ZSCAN2: variants seen among roughly 807,000 people sequenced by gnomAD.
ZSCAN2 encodes zinc finger and SCAN domain-containing protein 2.
In ZSCAN2, 26 loss-of-function variants were observed where a neutral mutation model predicts 47.8. The ratio of observed to expected loss-of-function variants is 0.54; its 90% CI spans 0.40 to 0.75. The LOEUF is 0.75. Ranked by LOEUF, ZSCAN2 falls within the 30% of genes least tolerant of loss-of-function variation. ZSCAN2 has a pLI of 0.00. For missense variants in ZSCAN2, 732 were observed against 785.4 expected (o/e 0.93, Z 0.81); for synonymous variants, 305 against 288.7 (o/e 1.06, Z -0.57).
chr15:84,612,410 A>G lies in ZSCAN2; in HGVS notation c.406+8077A>G, dbSNP rs540590270. Among the ~76,000 whole-genome samples, 158 of 152,262 alleles carry G rather than the reference A, an allele frequency of 1.0e-3. 4 individuals are homozygous for G. The South Asian group carries it at 0.032, about 31-fold the overall frequency. On this transcript the variant is annotated intron_variant, in intron 2 of 2. Coordinates refer to ENST00000546148, the MANE Select transcript of ZSCAN2 (RefSeq NM_181877.4). The stretch of plus-strand genomic sequence containing the variant: ...CAGAGGGACCTCCTTAGTGAGGTTT[A>G]TGATATTTATGTTATACAGCAATGT...
intron 1 of ZSCAN2, chr15:84,602,202 C>G (rs8030209): frequency 2.0e-3 from 301 of 152,192 alleles, no homozygotes; most frequent in African/African-American, 6.8e-3. Flanking sequence ...CCGCCCGCCT[C>G]AACCTGCCAA....
chr15:84,606,198 C>CT (rs1199623534), intron 2 of ZSCAN2, among the ~76,000 whole-genome samples: 2 of 152,222 alleles, frequency 1.3e-5, no homozygotes, highest in African/African-American at 4.8e-5. Flanking sequence ...ACTCCAGGGA[C>CT]TGGGTGAATG....
chr15:84,604,426 G>A (rs1895313155), intron 2 of ZSCAN2, 93 bp downstream of exon 2: 8 of 1,464,528 alleles, frequency 5.5e-6, no homozygotes, highest in Non-Finnish European at 4.6e-6. Flanking sequence ...GGTGTCCAAG[G>A]CAGAGTGGGG....
intron 2 of ZSCAN2, chr15:84,616,230 T>G (rs770943726): frequency 3.6e-6 from 3 of 843,900 alleles, no homozygotes; most frequent in Admixed American, 1.8e-5. Flanking sequence ...GAGTGAGACT[T>G]CATCTCAAAA....
chr15:84,610,273 G>C (rs1895504920), intron 2 of ZSCAN2, among the ~76,000 whole-genome samples: 1 of 152,180 alleles, frequency 6.6e-6, no homozygotes, highest in Non-Finnish European at 1.5e-5. Context: ...CACAAAAATA[G>C]GTCCCAGATG....
In ZSCAN2 at chr15:84,621,122, C is replaced by T. The variant is rs923406580; in HGVS notation, c.927C>T (p.Ala309=). The change falls in exon 3 of 3, where the codon GCC becomes GCT. Residue 309 remains alanine, a synonymous_variant. Transcript: ENST00000546148. This position sits in a 1 kb window ranked among gnomAD's most constrained non-coding sequence, Gnocchi z 5.7. ...IHTGEKPFQC[A]ECGKSFSRSP... ...CGGGGGAAAAGCCCTTCCAGTGTGC[C>T]GAGTGTGGCAAGAGCTTCAGCAGGA... 1.1e-5 allele frequency: 17 copies of T among 1,613,810 alleles called. No homozygotes were observed. The highest frequency in any genetic ancestry group is 4.0e-5 in the African/African-American group (3 of 74,830).
At position 84,621,576 on chromosome 15, in the gene ZSCAN2, C is replaced by G; in HGVS notation, c.1381C>G (p.Leu461Val). 1.2e-6 allele frequency: 2 copies of G among 1,614,138 alleles called. No homozygotes were observed. The highest frequency in any genetic ancestry group is 1.7e-6 in the Non-Finnish European group (2 of 1,180,032). Reference protein sequence around the residue: ...CGKSFSQSSSLIAHQGMHTGE... With the variant: ...CGKSFSQSSSVIAHQGMHTGE... Reference sequence around the variant, plus strand: ...GAAGAGCTTCAGCCAGAGCTCCAGTCTGATTGCACACCAGGGCATGCACAC... The same window carrying G: ...GAAGAGCTTCAGCCAGAGCTCCAGTGTGATTGCACACCAGGGCATGCACAC... The change falls in exon 3 of 3, where the codon CTG (leucine) becomes GTG (valine). Residue 461 changes from leucine (L) to valine (V), a missense_variant. By Grantham distance (32) the Leu-to-Val change is conservative. Around this residue, in one of 2 missense-constraint regions of ZSCAN2, gnomAD observed 412 missense variants for 498.0 expected, o/e 0.83. Coordinates refer to ENST00000546148, the MANE Select transcript of ZSCAN2 (RefSeq NM_181877.4). The surrounding 1 kb of genome is among the most constrained non-coding windows in gnomAD (Gnocchi z 5.7).
At chr15:84,619,172 C>A (rs947843020) in intron 2 of ZSCAN2, among the ~76,000 whole-genome samples, 1 of 152,196 alleles carries the variant, frequency 6.6e-6, no homozygotes, top group Non-Finnish European at 1.5e-5. Context: ...TGGCTCACGC[C>A]TGTAATCCCA....
intron 2 of ZSCAN2, among the ~76,000 whole-genome samples, chr15:84,612,432 A>G (rs1326566498): frequency 1.3e-5 from 2 of 152,178 alleles, no homozygotes; most frequent in Admixed American, 6.5e-5. Flanking sequence ...TTATACAGCA[A>G]TGTAGAAATG....
chr15:84,603,282 G>A (rs1195491041), intron 1 of ZSCAN2, among the ~76,000 whole-genome samples: 1 of 152,102 alleles, frequency 6.6e-6, no homozygotes, highest in Non-Finnish European at 1.5e-5. Flanking sequence ...TTTCAGTCAT[G>A]GGTTTTTCCC....
chr15:84,623,538 G>A lies in ZSCAN2; in HGVS notation c.*1498G>A, dbSNP rs1895859082. On this transcript the variant is annotated 3_prime_UTR_variant, in exon 3 of 3. Transcript: ENST00000546148. The stretch of plus-strand genomic sequence containing the variant: ...CTTTGTTCTCGGGATCCTCGCACCT[G>A]GAGAGTGAAGACGGGCATGACGGCA... The A allele has an allele frequency of 1.2e-5, 2 of 167,572 alleles. No individual in the cohort carries two copies. Among genetic ancestry groups the A allele is most frequent in the Non-Finnish European group, 2.9e-5 (2 of 68,442 alleles). The allele number at this position is 167,572 out of a possible 1,614,324, so 10.4% of individuals were successfully genotyped here.
intron 2 of ZSCAN2, among the ~76,000 whole-genome samples, chr15:84,605,096 G>T (rs1895341207): frequency 6.6e-6 from 1 of 152,160 alleles, no homozygotes; most frequent in South Asian, 2.1e-4. Flanking sequence ...AATAACTAGG[G>T]ACTTTCTGTG....
rs914227278 is a variant in ZSCAN2, at chr15:84,615,212, C to G, written c.407-5390C>G. Among the ~76,000 whole-genome samples the G allele has an allele frequency of 7.9e-5, 12 of 152,182 alleles. No homozygotes were observed. In the East Asian group the frequency reaches 1.7e-3, roughly 22 times the overall value. On this transcript the variant is annotated intron_variant, in intron 2 of 2. Transcript: ENST00000546148. ...CTTGTGATCCGCCTGCCTCAGCCCC[C>G]CAAAGTCCTGGGATTACAGGCGTGA...
At chr15:84,603,429 C>G (rs1057396869) in intron 1 of ZSCAN2, among the ~76,000 whole-genome samples, 4 of 146,732 alleles carry the variant, frequency 2.7e-5, no homozygotes, top group African/African-American at 1.0e-4. Context: ...AGTGCAGTGG[C>G]GAGATCTGTG....
intron 2 of ZSCAN2, 42 bp from the exon 3 acceptor site, chr15:84,620,558 CAG>C (rs764348554): frequency 3.4e-6 from 5 of 1,486,034 alleles, no homozygotes; most frequent in Non-Finnish European, 4.6e-6. Flanking sequence ...GTCATCATGA[CAG>C]GGAGTTGAGT....
At position 84,620,785 on chromosome 15, in the gene ZSCAN2, G is replaced by C; in HGVS notation, c.590G>C (p.Gly197Ala). The C allele has an allele frequency of 6.2e-7, 1 of 1,614,208 alleles. No individual in the cohort carries two copies. The highest frequency in any genetic ancestry group is 8.5e-7 in the Non-Finnish European group (1 of 1,180,042). Residue 197 changes from glycine to alanine, a missense_variant, in exon 3 of 3, where the codon GGG (glycine) becomes GCG (alanine). Gly to Ala is a moderately conservative substitution (Grantham distance 60). Transcript: ENST00000546148. ...GGACACAGCCCAGGTGAGGACCACG[G>C]GGAGGTGGTTTCTCAGGACAGGGAA... ...LQGHSPGEDH[G>A]EVVSQDREVG...
At chr15:84,614,550 A>AG (rs1895643438) in intron 2 of ZSCAN2, 1 of 152,198 alleles carries the variant, frequency 6.6e-6, no homozygotes, top group Admixed American at 6.5e-5. Context: ...TCACCCCTCT[A>AG]GCAGTCCATT....
At chr15:84,615,113 C>G (rs1452325603) in intron 2 of ZSCAN2, 1 of 152,182 alleles carries the variant, frequency 6.6e-6, no homozygotes, top group East Asian at 1.9e-4. Flanking sequence ...GTCACCACAC[C>G]CAGCCAATTT....
chr15:84,619,139 G>A (rs932729661), intron 2 of ZSCAN2, among the ~76,000 whole-genome samples: 1 of 152,142 alleles, frequency 6.6e-6, no homozygotes. Flanking sequence ...ACCAATTAAA[G>A]ATCTATTCAT....
Sources: allele counts gnomAD v4.1 joint callset (sites outside exome capture counted in the v4.1 genomes callset), GRCh38; gene constraint gnomAD v4.1.1; regional missense constraint gnomAD v4.1.1; non-coding constraint Gnocchi (gnomAD v3.1); transcripts MANE v1.5; gene names NCBI Gene and HGNC (gene_info 2026-07-23, HGNC 2026-07-21).